Variants in GLIS3 observed in about 807,000 individuals in gnomAD.
GLIS3 encodes zinc finger protein GLIS3.
Under a neutral mutation model 78.6 loss-of-function variants are expected in GLIS3, and 53 were observed. That is an observed-to-expected ratio of 0.67 (90% CI 0.54 to 0.85). The LOEUF is 0.85. GLIS3 is among the 40% of genes least tolerant of loss of function. The pLI, the probability that GLIS3 is intolerant of heterozygous loss-of-function variation, is 0.00. For synonymous variants in GLIS3, 684 were observed against 509.9 expected (o/e 1.34, Z -4.60); for missense variants, 1,703 against 1,231.1 (o/e 1.38, Z -5.74).
At chr9:3,852,755 CA>C (rs35446694) in intron 9 of GLIS3, among the ~76,000 whole-genome samples, 63,290 of 152,074 alleles carry the variant, frequency 0.42, 14,643 homozygotes, top group East Asian at 0.74. Flanking sequence ...ATGGCTAATA[CA>C]GGGGCACGCC....
At position 4,114,550 on chromosome 9, in the gene GLIS3, T is replaced by G. The variant is rs191798356; in HGVS notation, c.1710+3218A>C. ...TGATAATTCTGAGATTTACCAAGGTTGCAGTTGGTCTAAGCTCAGAAGGTC... is the reference window on the plus strand; with the variant it reads ...TGATAATTCTGAGATTTACCAAGGTGGCAGTTGGTCTAAGCTCAGAAGGTC... On this transcript the variant is annotated intron_variant, in intron 4 of 10. Transcript: ENST00000381971. Among the ~76,000 whole-genome samples the G allele has an allele frequency of 2.0e-3, 306 of 152,310 alleles. 1 individual carries two copies. The highest frequency in any genetic ancestry group is 6.4e-3 in the African/African-American group (268 of 41,566).
chr9:4,468,009 C>T, the GLIS3 span, among the ~76,000 whole-genome samples: 13 of 151,886 alleles, frequency 8.6e-5, no homozygotes, highest in South Asian at 2.1e-4. Context: ...GTTCAGTAGT[C>T]GATTCAATCA....
At chr9:4,318,410 G>C (rs939405504) in intron 2 of GLIS3, among the ~76,000 whole-genome samples, 1 of 152,164 alleles carries the variant, frequency 6.6e-6, no homozygotes, top group Non-Finnish European at 1.5e-5. Flanking sequence ...AGAAATGGCT[G>C]ATTCCAGGAC....
At chr9:4,190,192 T>C (rs1263610568) in intron 2 of GLIS3, among the ~76,000 whole-genome samples, 4 of 152,180 alleles carry the variant, frequency 2.6e-5, no homozygotes, top group Non-Finnish European at 4.4e-5. Flanking sequence ...AGAATGACTT[T>C]GACGAGTTGA....
chr9:4,442,399 G>A, the GLIS3 span, among the ~76,000 whole-genome samples: 1 of 151,736 alleles, frequency 6.6e-6, no homozygotes, highest in East Asian at 1.9e-4. Flanking sequence ...AAAGTTCTCT[G>A]GCTTCTCTTC....
intron 2 of GLIS3, among the ~76,000 whole-genome samples, chr9:4,209,202 C>T (rs7045833): frequency 0.64 from 97,430 of 151,888 alleles, 31,541 homozygotes; most frequent in Middle Eastern, 0.71. Context: ...AATGAAGATG[C>T]TCACTCAAAG....
At chr9:4,052,559 G>T (rs1198765358) in intron 4 of GLIS3, among the ~76,000 whole-genome samples, 1 of 152,230 alleles carries the variant, frequency 6.6e-6, no homozygotes, top group East Asian at 1.9e-4. Context: ...ACCTCTTCTG[G>T]ACATGTCGTA....
chr9:4,301,352 T>C (rs149157210), upstream of GLIS3, among the ~76,000 whole-genome samples: 218 of 152,310 alleles, frequency 1.4e-3, no homozygotes, highest in African/African-American at 5.1e-3. Context: ...AAGATGGCAA[T>C]AGATGGGCTC....
intron 2 of GLIS3, among the ~76,000 whole-genome samples, chr9:4,322,126 G>A (rs1044128721): frequency 6.6e-6 from 1 of 152,136 alleles, no homozygotes; most frequent in African/African-American, 2.4e-5. Context: ...AGAACATGCG[G>A]TGTTTGGTTT....
At chr9:3,990,457 C>T (rs1820135199) in intron 4 of GLIS3, among the ~76,000 whole-genome samples, 1 of 152,188 alleles carries the variant, frequency 6.6e-6, no homozygotes, top group Non-Finnish European at 1.5e-5. Context: ...AAACCAGTAG[C>T]ATTGATCAGT....
At chr9:4,093,955 T>C (rs750092317) in intron 4 of GLIS3, among the ~76,000 whole-genome samples, 1 of 152,214 alleles carries the variant, frequency 6.6e-6, no homozygotes, top group Non-Finnish European at 1.5e-5. Context: ...ATTGAATCGA[T>C]AATTTGCTGC....
At chr9:4,154,618 TTCATGTAGGGGGAAAAAC>T (rs1269292953) in intron 2 of GLIS3, among the ~76,000 whole-genome samples, 4 of 152,184 alleles carry the variant, frequency 2.6e-5, no homozygotes, top group Non-Finnish European at 5.9e-5. Context: ...ATGATAAACA[TTCATGTAGGGGGAAAAAC>T]AAAGGGCCTA....
chr9:3,834,845 C>T (rs1165245618), intron 9 of GLIS3, among the ~76,000 whole-genome samples: 2 of 152,196 alleles, frequency 1.3e-5, no homozygotes, highest in Non-Finnish European at 2.9e-5. Context: ...ACTGCCAGGG[C>T]ACTCCAACCC....
intron 2 of GLIS3, among the ~76,000 whole-genome samples, chr9:4,327,134 G>T (rs1817612706): frequency 6.6e-6 from 1 of 152,180 alleles, no homozygotes; most frequent in South Asian, 2.1e-4. Flanking sequence ...AAGATTGATT[G>T]AGAGTTAATG....
chr9:3,849,502 G>A (rs1819286939), intron 9 of GLIS3, among the ~76,000 whole-genome samples: 1 of 152,210 alleles, frequency 6.6e-6, no homozygotes, highest in African/African-American at 2.4e-5. Context: ...TGACCAGGAG[G>A]ATGGAAGCCA....
chr9:3,906,805 C>A (rs1823731954), intron 6 of GLIS3, among the ~76,000 whole-genome samples: 1 of 152,348 alleles, frequency 6.6e-6, no homozygotes, highest in Admixed American at 6.5e-5. Context: ...AAGGCTAAGA[C>A]ATTAAGCACC....
At chr9:4,353,616 G>A in the GLIS3 span, among the ~76,000 whole-genome samples, 2 of 152,084 alleles carry the variant, frequency 1.3e-5, no homozygotes, top group Admixed American at 1.3e-4. Flanking sequence ...CGGGTCCAAA[G>A]TCAAGAAGTT....
At chr9:3,851,779 C>A (rs10121099) in intron 9 of GLIS3, among the ~76,000 whole-genome samples, 3,057 of 152,292 alleles carry the variant, frequency 0.02, 114 homozygotes, top group African/African-American at 0.071. Context: ...ATCTACATTT[C>A]CCCATGGAAA....
intron 7 of GLIS3, among the ~76,000 whole-genome samples, chr9:3,897,638 C>G (rs1199174352): frequency 1.3e-5 from 2 of 152,138 alleles, no homozygotes; most frequent in African/African-American, 4.8e-5. Context: ...GATAAAGGTC[C>G]AATGGGCCAT....
Sources: gnomAD v4.1 joint callset for allele counts (sites outside exome capture counted in the v4.1 genomes callset) on GRCh38, gnomAD v4.1.1 for gene constraint, MANE v1.5 for transcripts, NCBI Gene and HGNC (gene_info 2026-07-23, HGNC 2026-07-21) for gene names.